The following NAALADL2 variants were observed in gnomAD, a reference collection of about 807,000 sequenced individuals.
NAALADL2 encodes N-acetylated alpha-linked acidic dipeptidase like 2, also known as inactive N-acetylated-alpha-linked acidic dipeptidase-like protein 2.
In NAALADL2, 76 loss-of-function variants were observed where a neutral mutation model predicts 87.2. That is an observed-to-expected ratio of 0.87 (90% CI 0.72 to 1.05). The LOEUF is 1.05. Among genes scored for constraint, NAALADL2 ranks in the 50% least tolerant of loss-of-function variants. The pLI is 0.00. For synonymous variants in NAALADL2, 354 were observed against 331.0 expected, an observed-to-expected ratio of 1.07 and a Z score of -0.75; for missense variants, 1,089 against 945.8, an observed-to-expected ratio of 1.15 and a Z score of -1.99.
chr3:175,017,668 A>T (rs569840292), intron 1 of NAALADL2, among the ~76,000 whole-genome samples: 1 of 152,136 alleles, frequency 6.6e-6, no homozygotes, highest in African/African-American at 2.4e-5. Flanking sequence ...GAAATATGCC[A>T]GTCTCTTCCC....
Position 175,423,041 on chromosome 3 carries a change from ATATATATATATTTTTTTTTT to A in NAALADL2, c.1091-24186_1091-24167del, listed in dbSNP as rs1298677964. On this transcript the variant is annotated intron_variant, in intron 5 of 13. Transcript: ENST00000454872. ...AAGAAAAAAAAAAATATATATATAT[ATATATATATATTTTTTTTTT>A]TTCCTGAGTTGTAGAACTGGAAAGA... Among the ~76,000 whole-genome samples the A allele has an allele frequency of 3.0e-3, 348 of 115,580 alleles. 7 individuals carry two copies. The highest frequency in any genetic ancestry group is 5.1e-3 in the Admixed American group (56 of 10,928). The allele number at this position is 115,580 out of a possible 152,430, so 75.8% of individuals were successfully genotyped here.
At chr3:175,419,445 A>G (rs1031986036) in intron 5 of NAALADL2, among the ~76,000 whole-genome samples, 1 of 152,018 alleles carries the variant, frequency 6.6e-6, no homozygotes, top group East Asian at 1.9e-4. Context: ...AAGCCTATAA[A>G]CAGATGAAAT....
At chr3:174,894,122 T>A (rs2109810859) in intron 1 of NAALADL2, among the ~76,000 whole-genome samples, 1 of 152,244 alleles carries the variant, frequency 6.6e-6, no homozygotes, top group East Asian at 1.9e-4. Context: ...TATATCATGT[T>A]AAAGGGGTTA....
chr3:175,156,381 A>G (rs1224446767), intron 2 of NAALADL2, among the ~76,000 whole-genome samples: 1 of 150,252 alleles, frequency 6.7e-6, no homozygotes, highest in Admixed American at 6.7e-5. Flanking sequence ...AGTGAAGTTC[A>G]TTATTCAAAG....
At chr3:175,018,659 C>G (rs1751168791) in intron 1 of NAALADL2, among the ~76,000 whole-genome samples, 1 of 152,000 alleles carries the variant, frequency 6.6e-6, no homozygotes, top group Admixed American at 6.6e-5. Flanking sequence ...TATATTTACA[C>G]TACCACAGTT....
At chr3:174,870,676 G>A (rs1189238466) in intron 1 of NAALADL2, among the ~76,000 whole-genome samples, 3 of 151,924 alleles carry the variant, frequency 2.0e-5, no homozygotes, top group Admixed American at 6.6e-5. Context: ...TGAATCAATT[G>A]TTTCTTGACC....
chr3:175,147,721 C>T (rs770950398), intron 2 of NAALADL2, among the ~76,000 whole-genome samples: 22 of 152,242 alleles, frequency 1.4e-4, no homozygotes, highest in Middle Eastern at 3.4e-3. Flanking sequence ...AGCGTGTAAA[C>T]ATTCCCTTTT....
chr3:175,494,067 C>CA (rs200958799), intron 9 of NAALADL2, among the ~76,000 whole-genome samples: 4,942 of 151,852 alleles, frequency 0.033, 100 homozygotes, highest in Middle Eastern at 0.045. Context: ...GAGAAACATG[C>CA]AAAAAATATA....
At chr3:175,460,848 G>T (rs753141037) in intron 6 of NAALADL2, among the ~76,000 whole-genome samples, 1 of 152,166 alleles carries the variant, frequency 6.6e-6, no homozygotes, top group Non-Finnish European at 1.5e-5. Flanking sequence ...CAAAGAGTGC[G>T]CAGCAGCAAT....
chr3:175,113,887 G>GT (rs1397356637), intron 2 of NAALADL2, among the ~76,000 whole-genome samples: 1 of 151,562 alleles, frequency 6.6e-6, no homozygotes, highest in Non-Finnish European at 1.5e-5. Context: ...TTTCAAGGCT[G>GT]TTTGTTACAT....
At chr3:175,426,850 GC>G (rs530089719) in intron 5 of NAALADL2, among the ~76,000 whole-genome samples, 132 of 152,254 alleles carry the variant, frequency 8.7e-4, no homozygotes, top group African/African-American at 3.0e-3. Context: ...GCAGCTCGTA[GC>G]TGATAATTAT....
chr3:175,214,018 A>G (rs745306897), intron 2 of NAALADL2, among the ~76,000 whole-genome samples: 2 of 152,138 alleles, frequency 1.3e-5, no homozygotes, highest in Non-Finnish European at 2.9e-5. Context: ...TTTTGTGAAA[A>G]ATTTGTTCAT....
chr3:175,059,027 T>C (rs1296093665), intron 1 of NAALADL2, among the ~76,000 whole-genome samples: 1 of 152,164 alleles, frequency 6.6e-6, no homozygotes, highest in African/African-American at 2.4e-5. Flanking sequence ...TTATAATGGG[T>C]TTCTTCTGGT....
intron 1 of NAALADL2, among the ~76,000 whole-genome samples, chr3:174,899,669 T>C (rs1372094073): frequency 6.6e-6 from 1 of 152,212 alleles, no homozygotes. Context: ...TCCACCTCTT[T>C]GCTTTATACA....
intron 11 of NAALADL2, among the ~76,000 whole-genome samples, chr3:175,681,221 C>A (rs371299215): frequency 1.2e-4 from 19 of 152,218 alleles, no homozygotes; most frequent in African/African-American, 4.6e-4. Context: ...TATTCTATCA[C>A]ACAATAGAAT....
intron 11 of NAALADL2, among the ~76,000 whole-genome samples, chr3:175,645,187 G>A (rs1386245502): frequency 6.6e-6 from 1 of 151,360 alleles, no homozygotes; most frequent in Non-Finnish European, 1.5e-5. Context: ...GTCCATGAAT[G>A]TAATAATGAA....
At position 174,924,972 on chromosome 3, in the gene NAALADL2, C is replaced by T. The variant is rs113397580; in HGVS notation, c.43+65522C>T. On this transcript the variant is annotated intron_variant, in intron 1 of 13. Coordinates refer to ENST00000454872, the MANE Select transcript of NAALADL2 (RefSeq NM_207015.3). The stretch of plus-strand genomic sequence containing the variant: ...TTCTTTGTAGATTCTGGATATTAGC[C>T]CTTTGTCAGATGAGTAGATTGCAAA... 4.3e-3 allele frequency among the ~76,000 whole-genome samples: 654 copies of T among 152,062 alleles called. 2 individuals carry two copies. The highest frequency in any genetic ancestry group is 0.015 in the African/African-American group (606 of 41,478).
intron 9 of NAALADL2, among the ~76,000 whole-genome samples, chr3:175,526,265 T>C (rs572342861): frequency 6.6e-6 from 1 of 152,332 alleles, no homozygotes; most frequent in East Asian, 1.9e-4. Flanking sequence ...CTTATTCATT[T>C]GCATTGGTAC....
At chr3:174,926,413 C>T (rs1217491712) in intron 1 of NAALADL2, among the ~76,000 whole-genome samples, 2 of 151,944 alleles carry the variant, frequency 1.3e-5, no homozygotes, top group African/African-American at 2.4e-5. Context: ...ATCAGATTCA[C>T]CAAAGTTGAA....
Sources: gnomAD v4.1 joint callset for allele counts (sites outside exome capture counted in the v4.1 genomes callset) on GRCh38, gnomAD v4.1.1 for gene constraint, MANE v1.5 for transcripts, NCBI Gene and HGNC (gene_info 2026-07-23, HGNC 2026-07-21) for gene names.